The following BABAM2 variants were observed in gnomAD, a reference collection of about 807,000 sequenced individuals.
BABAM2 encodes BRISC and BRCA1 A complex member 2, also known as BRISC and BRCA1-A complex member 2.
A neutral mutation model predicts 54.7 loss-of-function variants in BABAM2; 31 were observed. That is an observed-to-expected ratio of 0.57 (90% CI 0.43 to 0.77). BABAM2 has a LOEUF of 0.77. Among genes scored for constraint, BABAM2 ranks in the 30% least tolerant of loss-of-function variants. BABAM2 has a pLI of 0.00. For missense variants in BABAM2, 364 were observed against 455.8 expected (o/e 0.80, Z 1.83); for synonymous variants, 167 against 162.9 (o/e 1.03, Z -0.19).
intron 6 of BABAM2, among the ~76,000 whole-genome samples, chr2:28,069,055 A>G (rs887397653): frequency 6.6e-6 from 1 of 152,212 alleles, no homozygotes; most frequent in African/African-American, 2.4e-5. Context: ...ATATTTACAT[A>G]TCAGTGAGAA....
chr2:28,112,098 T>TTTCTTTCC (rs1491370029), intron 6 of BABAM2, among the ~76,000 whole-genome samples: 2 of 7,694 alleles, frequency 2.6e-4, no homozygotes, highest in African/African-American at 1.1e-3. Flanking sequence ...TCTTTCTTTC[T>TTTCTTTCC]TTCTTTCTTT....
At chr2:28,058,565 G>GTA (rs903754760) in intron 6 of BABAM2, among the ~76,000 whole-genome samples, 2 of 148,246 alleles carry the variant, frequency 1.3e-5, no homozygotes, top group African/African-American at 4.9e-5. Context: ...ATATATATAT[G>GTA]TATATATATA....
At chr2:28,179,195 T>C (rs1675349951) in intron 7 of BABAM2, among the ~76,000 whole-genome samples, 1 of 151,836 alleles carries the variant, frequency 6.6e-6, no homozygotes, top group African/African-American at 2.4e-5. Flanking sequence ...AAAAAGGAAA[T>C]GGCAGGCTAG....
At chr2:28,263,688 C>G (rs1341082808) in intron 10 of BABAM2, among the ~76,000 whole-genome samples, 1 of 152,226 alleles carries the variant, frequency 6.6e-6, no homozygotes, top group Non-Finnish European at 1.5e-5. Flanking sequence ...TCTGTAACAT[C>G]TACCAGACCC....
Position 28,150,932 on chromosome 2 carries a change from C to G in BABAM2, c.680+21552C>G, listed in dbSNP as rs542415556. Reference sequence around the variant, plus strand: ...TGAAAAGCTTCTCGCTACTCAATGTCCTTGCCAATGATAGTTTGATAGGGA... The same window carrying G: ...TGAAAAGCTTCTCGCTACTCAATGTGCTTGCCAATGATAGTTTGATAGGGA... On this transcript the variant is annotated intron_variant, in intron 7 of 11. Transcript: ENST00000379624. 2.6e-5 allele frequency among the ~76,000 whole-genome samples: 4 copies of G among 152,288 alleles called. No homozygotes were observed. In the East Asian group the frequency reaches 7.7e-4, roughly 29 times the overall value.
intron 10 of BABAM2, among the ~76,000 whole-genome samples, chr2:28,246,634 CATA>C (rs1682944176): frequency 6.6e-6 from 1 of 152,220 alleles, no homozygotes. Flanking sequence ...CTCCAAGTGA[CATA>C]ATAGCCTGTC....
At position 28,121,966 on chromosome 2, in the gene BABAM2, G is replaced by C. The variant is rs1447947371; in HGVS notation, c.571-7305G>C. Among the ~76,000 whole-genome samples the C allele has an allele frequency of 7.9e-5, 12 of 152,130 alleles. No homozygotes were observed. The East Asian group carries it at 2.3e-3, about 29-fold the overall frequency. On this transcript the variant is annotated intron_variant, in intron 6 of 11. Coordinates refer to ENST00000379624, the MANE Select transcript of BABAM2 (RefSeq NM_199191.3). ...GCAGTGACTCACGCCTGTAATCCCA[G>C]CACTTTGGGAGGCCGAGGTGGGTGG...
At chr2:28,311,059 A>C (rs990931918) in intron 11 of BABAM2, among the ~76,000 whole-genome samples, 1 of 152,138 alleles carries the variant, frequency 6.6e-6, no homozygotes, top group Non-Finnish European at 1.5e-5. Flanking sequence ...CAGGAGATCA[A>C]GACCATCCTG....
chr2:28,100,168 GGCCAGGCACA>G (rs1434763391), intron 6 of BABAM2, among the ~76,000 whole-genome samples: 1 of 151,244 alleles, frequency 6.6e-6, no homozygotes, highest in Admixed American at 6.6e-5. Flanking sequence ...TGGCTGCCTT[GGCCAGGCACA>G]GTGGCTCACA....
At chr2:28,323,633 A>C (rs896548413) in intron 11 of BABAM2, among the ~76,000 whole-genome samples, 23 of 152,206 alleles carry the variant, frequency 1.5e-4, no homozygotes, top group African/African-American at 5.6e-4. Context: ...TCACAGCTAA[A>C]GCTCCCGTGC....
intron 6 of BABAM2, among the ~76,000 whole-genome samples, chr2:28,120,415 T>C (rs1573621029): frequency 6.6e-6 from 1 of 152,312 alleles, no homozygotes; most frequent in East Asian, 1.9e-4. Flanking sequence ...CTGAGTCTCT[T>C]CTTTGTGCCC....
chr2:27,927,261 T>A (rs540210512), intron 2 of BABAM2, among the ~76,000 whole-genome samples: 1 of 152,282 alleles, frequency 6.6e-6, no homozygotes, highest in South Asian at 2.1e-4. Flanking sequence ...AATTTGTCAT[T>A]GAAGAAGGAG....
intron 6 of BABAM2, among the ~76,000 whole-genome samples, chr2:28,054,710 C>T (rs1678263869): frequency 6.6e-6 from 1 of 152,188 alleles, no homozygotes. Context: ...ATTCTAGCTT[C>T]CAGTACTGTA....
intron 7 of BABAM2, among the ~76,000 whole-genome samples, chr2:28,202,022 G>A (rs1255358731): frequency 1.3e-5 from 2 of 152,176 alleles, no homozygotes; most frequent in African/African-American, 2.4e-5. Context: ...TGCAGGTCAG[G>A]AGCATCCTTT....
Position 28,107,791 on chromosome 2 carries a change from G to C in BABAM2, c.571-21480G>C, listed in dbSNP as rs180941133. Among the ~76,000 whole-genome samples the C allele has an allele frequency of 2.7e-3, 415 of 152,318 alleles. 1 individual carries two copies. Among genetic ancestry groups the C allele is most frequent in the African/African-American group, 9.5e-3 (393 of 41,564 alleles). ...ACTAGACTGTGAAGATTTTGAGGGC[G>C]TAGATCCTTAGTGCCTTTAGGTGTT... On this transcript the variant is annotated intron_variant, in intron 6 of 11. Transcript: ENST00000379624.
At chr2:28,219,254 G>A (rs529031201) in intron 7 of BABAM2, among the ~76,000 whole-genome samples, 1 of 152,344 alleles carries the variant, frequency 6.6e-6, no homozygotes, top group South Asian at 2.1e-4. Context: ...GCGGAGGTCA[G>A]TTGAGCTTCT....
chr2:28,098,044 C>G (rs1264393955), intron 6 of BABAM2, among the ~76,000 whole-genome samples: 1 of 152,094 alleles, frequency 6.6e-6, no homozygotes, highest in African/African-American at 2.4e-5. Context: ...TGGTGTTTTT[C>G]CTTTGGCATT....
chr2:28,071,431 G>T (rs1394642431), intron 6 of BABAM2, among the ~76,000 whole-genome samples: 2 of 152,180 alleles, frequency 1.3e-5, no homozygotes, highest in African/African-American at 4.8e-5. Context: ...GGATGGAAAG[G>T]CTTAATTAGA....
chr2:28,187,057 G>T (rs985655027), intron 7 of BABAM2, among the ~76,000 whole-genome samples: 2 of 152,078 alleles, frequency 1.3e-5, no homozygotes, highest in African/African-American at 4.8e-5. Flanking sequence ...TGTCCACCTC[G>T]GCCTCCCAAA....
Sources: gnomAD v4.1 joint callset for allele counts (sites outside exome capture counted in the v4.1 genomes callset) on GRCh38, gnomAD v4.1.1 for gene constraint, MANE v1.5 for transcripts, NCBI Gene and HGNC (gene_info 2026-07-23, HGNC 2026-07-21) for gene names.